MTHFD2L: variants seen among roughly 807,000 people sequenced by gnomAD.
MTHFD2L encodes the protein methylenetetrahydrofolate dehydrogenase (NADP+ dependent) 2 like, also known as bifunctional methylenetetrahydrofolate dehydrogenase/cyclohydrolase 2, mitochondrial.
A neutral mutation model predicts 34.9 loss-of-function variants in MTHFD2L; 29 were observed. That is an observed-to-expected ratio of 0.83 (90% CI 0.62 to 1.13). The LOEUF is 1.13. MTHFD2L is among the 50% of genes most tolerant of loss of function. MTHFD2L has a pLI of 0.00. For synonymous variants in MTHFD2L, 167 were observed against 155.7 expected, an observed-to-expected ratio of 1.07 and a Z score of -0.54; for missense variants, 481 against 446.5, an observed-to-expected ratio of 1.08 and a Z score of -0.70.
At chr4:74,228,915 G>T (rs2110132749) in intron 6 of MTHFD2L, among the ~76,000 whole-genome samples, 2 of 152,258 alleles carry the variant, frequency 1.3e-5, no homozygotes, top group Middle Eastern at 3.4e-3. Flanking sequence ...CAGGTGAGCA[G>T]CTACTTCAGA....
chr4:74,251,447 A>G (rs1025973702), intron 6 of MTHFD2L, among the ~76,000 whole-genome samples: 1 of 152,218 alleles, frequency 6.6e-6, no homozygotes, highest in African/African-American at 2.4e-5. Context: ...TGTCTTCAAC[A>G]TACATCCTAT....
chr4:74,128,588 C>T (rs1231619424), intron 1 of MTHFD2L, among the ~76,000 whole-genome samples: 1 of 152,026 alleles, frequency 6.6e-6, no homozygotes, highest in Non-Finnish European at 1.5e-5. Context: ...GTCTGTTTTT[C>T]TACCAACCAT....
intron 6 of MTHFD2L, among the ~76,000 whole-genome samples, chr4:74,272,510 C>G (rs1746123634): frequency 6.6e-6 from 1 of 151,808 alleles, no homozygotes; most frequent in Non-Finnish European, 1.5e-5. Flanking sequence ...TCATTTTTTC[C>G]CTTTATTTTT....
At chr4:74,274,797 A>G (rs1283028107) in intron 6 of MTHFD2L, among the ~76,000 whole-genome samples, 1 of 152,152 alleles carries the variant, frequency 6.6e-6, no homozygotes, top group Admixed American at 6.5e-5. Flanking sequence ...CCATGGTAGG[A>G]CTATTTATGT....
chr4:74,191,355 T>C (rs1732461483), intron 3 of MTHFD2L, among the ~76,000 whole-genome samples: 1 of 148,886 alleles, frequency 6.7e-6, no homozygotes, highest in African/African-American at 2.6e-5. Flanking sequence ...CATAAAACTT[T>C]ACCTGGTCGT....
intron 1 of MTHFD2L, among the ~76,000 whole-genome samples, chr4:74,147,465 G>C (rs1163843081): frequency 2.0e-5 from 3 of 152,130 alleles, no homozygotes; most frequent in African/African-American, 7.2e-5. Context: ...CTCTAATTTG[G>C]CATCTCCTTT....
intron 6 of MTHFD2L, among the ~76,000 whole-genome samples, chr4:74,239,504 G>A (rs536084055): frequency 1.3e-5 from 2 of 150,150 alleles, no homozygotes; most frequent in South Asian, 4.2e-4. Context: ...AAAAAAAAAG[G>A]CTTCTGGATC....
At chr4:74,210,427 C>A (rs1041090790) in intron 5 of MTHFD2L, among the ~76,000 whole-genome samples, 4 of 152,192 alleles carry the variant, frequency 2.6e-5, no homozygotes, top group African/African-American at 9.7e-5. Flanking sequence ...GTTTTCCCAA[C>A]ACCATTGATT....
chr4:74,294,736 T>C (rs1012686758), intron 7 of MTHFD2L, among the ~76,000 whole-genome samples: 1 of 152,132 alleles, frequency 6.6e-6, no homozygotes, highest in Admixed American at 6.6e-5. Context: ...ATTGTTCTTA[T>C]ACTGACATTG....
In MTHFD2L at chr4:74,250,557, G is replaced by A. The variant is rs72654818; in HGVS notation, c.805+25163G>A. On this transcript the variant is annotated intron_variant, in intron 6 of 7. Transcript: ENST00000325278. ...AGTAGCTATTCAGCAAATTTCTATT[G>A]AAATATTGGAAATATTTTTCTATCT... Among the ~76,000 whole-genome samples the A allele has an allele frequency of 2.4e-3, 358 of 152,154 alleles. 3 individuals carry two copies. Among genetic ancestry groups the A allele is most frequent in the Non-Finnish European group, 4.0e-3 (273 of 67,984 alleles).
rs1560467521 is a variant in MTHFD2L, at chr4:74,190,148, T to G, written c.452-9646T>G. Reference sequence around the variant, plus strand: ...TTCTCCTTGTGTGTTTAAAAGAAGCTTATTAGAATTGGCCTGTTCACTAAT... The same window carrying G: ...TTCTCCTTGTGTGTTTAAAAGAAGCGTATTAGAATTGGCCTGTTCACTAAT... On this transcript the variant is annotated intron_variant, in intron 3 of 7. Coordinates refer to ENST00000325278, the MANE Select transcript of MTHFD2L (RefSeq NM_001144978.3). Among the ~76,000 whole-genome samples the G allele has an allele frequency of 2.6e-5, 4 of 152,170 alleles. No homozygotes were observed. In the South Asian group the frequency reaches 8.3e-4, roughly 32 times the overall value.
chr4:74,274,551 G>C (rs1746376111), intron 6 of MTHFD2L, among the ~76,000 whole-genome samples: 1 of 152,160 alleles, frequency 6.6e-6, no homozygotes, highest in Non-Finnish European at 1.5e-5. Context: ...TTCTTGACTA[G>C]ATCTTTGTGG....
upstream of MTHFD2L, among the ~76,000 whole-genome samples, chr4:74,124,582 G>C (rs1560399470): frequency 6.6e-6 from 1 of 151,936 alleles, no homozygotes; most frequent in Non-Finnish European, 1.5e-5. Context: ...TCTAAAACTA[G>C]TCTTTCTATT....
At chr4:74,184,562 A>C (rs1730787274) in intron 3 of MTHFD2L, among the ~76,000 whole-genome samples, 1 of 152,192 alleles carries the variant, frequency 6.6e-6, no homozygotes, top group Admixed American at 6.5e-5. Context: ...TAATCAAATA[A>C]AAAATTATAG....
chr4:74,261,079 A>G (rs898118394), intron 6 of MTHFD2L, among the ~76,000 whole-genome samples: 22 of 151,978 alleles, frequency 1.4e-4, no homozygotes, highest in African/African-American at 4.6e-4. Flanking sequence ...TAAAGGTGGG[A>G]CAAAGATAAC....
At chr4:74,238,905 A>G (rs1028025997) in intron 6 of MTHFD2L, among the ~76,000 whole-genome samples, 1 of 152,232 alleles carries the variant, frequency 6.6e-6, no homozygotes, top group Non-Finnish European at 1.5e-5. Flanking sequence ...AACTAGTTCA[A>G]CCATTGTGGA....
intron 7 of MTHFD2L, among the ~76,000 whole-genome samples, chr4:74,286,803 C>A (rs1320026759): frequency 6.6e-6 from 1 of 152,156 alleles, no homozygotes; most frequent in Non-Finnish European, 1.5e-5. Flanking sequence ...TCCCTGTTGC[C>A]TGCCATCTCT....
At chr4:74,232,202 A>G (rs1740171249) in intron 6 of MTHFD2L, among the ~76,000 whole-genome samples, 1 of 152,194 alleles carries the variant, frequency 6.6e-6, no homozygotes, top group African/African-American at 2.4e-5. Flanking sequence ...TGACTTACAC[A>G]TGAGGGACCA....
At chr4:74,201,107 A>T (rs1015185340) in intron 4 of MTHFD2L, among the ~76,000 whole-genome samples, 156 bp from the exon 5 acceptor site, 2 of 152,204 alleles carry the variant, frequency 1.3e-5, no homozygotes, top group African/African-American at 2.4e-5. Flanking sequence ...AAAATGAATT[A>T]TTTATAAATA....
Sources: allele counts gnomAD v4.1 joint callset (sites outside exome capture counted in the v4.1 genomes callset), GRCh38; gene constraint gnomAD v4.1.1; transcripts MANE v1.5; gene names NCBI Gene and HGNC (gene_info 2026-07-23, HGNC 2026-07-21).